Variants in ADGRL2 observed in about 807,000 individuals in gnomAD.
ADGRL2 encodes calcium-independent alpha-latrotoxin receptor 2.
In ADGRL2, 44 loss-of-function variants were observed where a neutral mutation model predicts 157.4. The observed-to-expected ratio is 0.28, with a 90% confidence interval of 0.22 to 0.36. ADGRL2 has a LOEUF of 0.36. Among genes scored for constraint, ADGRL2 ranks in the 10% least tolerant of loss-of-function variants. The pLI is 1.00. For missense variants in ADGRL2, 1,510 were observed against 1,768.9 expected (o/e 0.85, Z 2.63); for synonymous variants, 585 against 624.7 (o/e 0.94, Z 0.95).
chr1:81,588,043 A>C (rs2081061692), intron 3 of ADGRL2, among the ~76,000 whole-genome samples: 2 of 152,106 alleles, frequency 1.3e-5, no homozygotes. Flanking sequence ...AATGATTTAC[A>C]AAGGGAGTGC....
intron 2 of ADGRL2, among the ~76,000 whole-genome samples, chr1:81,770,187 G>A (rs531857194): frequency 1.8e-5 from 2 of 112,432 alleles, no homozygotes; most frequent in Admixed American, 2.4e-4. Context: ...TTTTGAGACC[G>A]AGTCTCACTC....
At chr1:81,830,981 C>A (rs35134484) in intron 1 of ADGRL2, among the ~76,000 whole-genome samples, 1 of 151,900 alleles carries the variant, frequency 6.6e-6, no homozygotes, top group Non-Finnish European at 1.5e-5. Flanking sequence ...AATATTGATT[C>A]GGGGAATGGC....
Position 81,588,204 on chromosome 1 carries a change from G to A in ADGRL2, c.-143+7224G>A, listed in dbSNP as rs2081065189. On this transcript the variant is annotated intron_variant, in intron 3 of 24. Transcript: ENST00000370721. ...ACAGAGTTAGCTCCTCTTATCCCCAGGGAGGATAATTCTCAGGTAAGTTAG... is the reference window on the plus strand; with the variant it reads ...ACAGAGTTAGCTCCTCTTATCCCCAAGGAGGATAATTCTCAGGTAAGTTAG... 3.9e-5 allele frequency: 6 copies of A among 152,260 alleles called. No homozygotes were observed. The South Asian group carries it at 1.2e-3, about 32-fold the overall frequency. 9.4% of individuals were successfully genotyped at this position (152,260 alleles called of 1,614,324 possible). A position where few individuals can be genotyped will look rare whatever the true frequency, so the allele number is the denominator to read the frequency against.
intron 2 of ADGRL2, among the ~76,000 whole-genome samples, chr1:81,879,543 A>G (rs538265503): frequency 9.2e-5 from 14 of 151,634 alleles, no homozygotes; most frequent in African/African-American, 3.4e-4. Flanking sequence ...CTTAAAATGC[A>G]TTTGCCTAAG....
intron 2 of ADGRL2, among the ~76,000 whole-genome samples, chr1:81,884,568 A>G (rs1204766981): frequency 6.6e-6 from 1 of 152,212 alleles, no homozygotes; most frequent in Non-Finnish European, 1.5e-5. Context: ...TATATTGAAC[A>G]AAGCAAAACA....
At chr1:81,940,750 A>T (rs1156553362) in intron 4 of ADGRL2, among the ~76,000 whole-genome samples, 1 of 151,642 alleles carries the variant, frequency 6.6e-6, no homozygotes, top group Non-Finnish European at 1.5e-5. Context: ...GCATTTTAAC[A>T]ACAGAAAAGG....
At chr1:81,881,809 A>G (rs2093995926) in intron 2 of ADGRL2, among the ~76,000 whole-genome samples, 1 of 152,218 alleles carries the variant, frequency 6.6e-6, no homozygotes, top group African/African-American at 2.4e-5. Context: ...CTCAGACTAT[A>G]CAAGGTGAAG....
At position 81,932,315 on chromosome 1, in the gene ADGRL2, C is replaced by A. The variant is rs183797286; in HGVS notation, c.288-4413C>A. On this transcript the variant is annotated intron_variant, in intron 3 of 23. Transcript: ENST00000686636. ...AGATAATATACTTATTTCAATTCTC[C>A]ATGTTAAGAATTGATGAATAACTAG... 4.3e-3 allele frequency among the ~76,000 whole-genome samples: 653 copies of A among 152,112 alleles called. 5 individuals are homozygous for A. The highest frequency in any genetic ancestry group is 0.015 in the African/African-American group (604 of 41,504).
At chr1:81,328,164 G>A (rs1330360454) in intron 1 of ADGRL2, among the ~76,000 whole-genome samples, 1 of 152,158 alleles carries the variant, frequency 6.6e-6, no homozygotes, top group Admixed American at 6.6e-5. Context: ...TTTCAGAAGA[G>A]ACTGAGTGCC....
intron 1 of ADGRL2, among the ~76,000 whole-genome samples, chr1:81,360,489 T>A (rs542763293): frequency 9.3e-4 from 142 of 152,098 alleles, no homozygotes; most frequent in African/African-American, 2.3e-3. Context: ...AGATTGTATG[T>A]TACTGGAACT....
At chr1:81,693,017 T>TA (rs1264273294) in intron 3 of ADGRL2, among the ~76,000 whole-genome samples, 1 of 152,210 alleles carries the variant, frequency 6.6e-6, no homozygotes, top group Admixed American at 6.5e-5. Context: ...AGGATTTTCA[T>TA]ACTGCCATGC....
intron 3 of ADGRL2, among the ~76,000 whole-genome samples, chr1:81,674,047 A>T (rs2082933169): frequency 6.6e-6 from 1 of 152,334 alleles, no homozygotes; most frequent in Non-Finnish European, 1.5e-5. Flanking sequence ...TTCAAAATTT[A>T]ACACTTGAAT....
chr1:81,981,786 A>AAT, intron 18 of ADGRL2, 22 bp from the exon 19 acceptor site: 2 of 1,596,090 alleles, frequency 1.3e-6, no homozygotes, highest in Non-Finnish European at 1.7e-6. Context: ...ACCTGTTAAA[A>AAT]AAGTTCACTT....
intron 2 of ADGRL2, among the ~76,000 whole-genome samples, chr1:81,452,515 T>C (rs758220671): frequency 6.6e-6 from 1 of 152,186 alleles, no homozygotes; most frequent in Non-Finnish European, 1.5e-5. Context: ...TCATTCAACA[T>C]ATGAAAACCC....
At chr1:81,563,231 G>A (rs910954948) in intron 2 of ADGRL2, among the ~76,000 whole-genome samples, 1 of 152,136 alleles carries the variant, frequency 6.6e-6, no homozygotes, top group African/African-American at 2.4e-5. Context: ...CAATTTGTAA[G>A]GCATTACACA....
intron 3 of ADGRL2, among the ~76,000 whole-genome samples, chr1:81,936,335 T>G (rs1023180751): frequency 2.0e-5 from 3 of 151,940 alleles, no homozygotes; most frequent in African/African-American, 7.2e-5. Context: ...AGGACCATTT[T>G]TAAAAATTGT....
chr1:81,819,234 G>T (rs774685579), intron 1 of ADGRL2, among the ~76,000 whole-genome samples: 1 of 152,084 alleles, frequency 6.6e-6, no homozygotes, highest in African/African-American at 2.4e-5. Context: ...GAGAAGTTTT[G>T]TAATGGTGGG....
At chr1:81,708,339 G>T (rs1178940442) in intron 1 of ADGRL2, among the ~76,000 whole-genome samples, 1 of 152,120 alleles carries the variant, frequency 6.6e-6, no homozygotes, top group African/African-American at 2.4e-5. Context: ...TTAAGCATTT[G>T]TCAGGGTTAT....
At chr1:81,371,874 A>T (rs1192610143) in intron 1 of ADGRL2, among the ~76,000 whole-genome samples, 2 of 152,232 alleles carry the variant, frequency 1.3e-5, no homozygotes, top group Non-Finnish European at 2.9e-5. Flanking sequence ...TGAAATAAAC[A>T]GAAAATCTAG....
Sources: allele counts gnomAD v4.1 joint callset (sites outside exome capture counted in the v4.1 genomes callset), GRCh38; gene constraint gnomAD v4.1.1; transcripts MANE v1.5; gene names NCBI Gene and HGNC (gene_info 2026-07-23, HGNC 2026-07-21).